Variants in TMTC1 observed in about 807,000 individuals in gnomAD.
The protein encoded by TMTC1 is protein O-mannosyl-transferase TMTC1.
TMTC1 carries 73 observed loss-of-function variants against 104.8 expected under a neutral mutation model. The ratio of observed to expected loss-of-function variants is 0.70; its 90% CI spans 0.58 to 0.85. The LOEUF is 0.85. Among genes scored for constraint, TMTC1 ranks in the 40% least tolerant of loss-of-function variants. The pLI is 0.00. For missense variants in TMTC1, 1,035 were observed against 1,096.1 expected (o/e 0.94, Z 0.79); for synonymous variants, 434 against 428.7 (o/e 1.01, Z -0.15).
rs1271346036 is a variant in TMTC1, at chr12:29,505,938, T to A, written c.*908A>T. ...ATATATTTTTCAAAAAAATAATAAA[T>A]CTCATGATGTCTGAACATTAAGATA... On this transcript the variant is annotated 3_prime_UTR_variant, in exon 18 of 18. Coordinates refer to ENST00000539277, the MANE Select transcript of TMTC1 (RefSeq NM_001193451.2). 1 of 152,114 alleles carries A rather than the reference T, an allele frequency of 6.6e-6. No homozygotes were observed. Among genetic ancestry groups the A allele is most frequent in the African/African-American group, 2.4e-5 (1 of 41,442 alleles). The allele number at this position is 152,114 out of a possible 1,614,324, so 9.4% of individuals were successfully genotyped here. A position where few individuals can be genotyped will look rare whatever the true frequency, so the allele number is the denominator to read the frequency against.
At chr12:29,687,062 A>G (rs1941117395) in intron 5 of TMTC1, among the ~76,000 whole-genome samples, 1 of 152,238 alleles carries the variant, frequency 6.6e-6, no homozygotes, top group South Asian at 2.1e-4. Context: ...TATTGGGATT[A>G]GAAAATCACC....
chr12:29,606,977 C>CA (rs1565705341), intron 6 of TMTC1, among the ~76,000 whole-genome samples: 2 of 151,970 alleles, frequency 1.3e-5, no homozygotes, highest in African/African-American at 4.8e-5. Flanking sequence ...CTTCCTGCCC[C>CA]CCCCCCTCAC....
intron 12 of TMTC1, among the ~76,000 whole-genome samples, chr12:29,518,880 G>A (rs1280757268): frequency 6.6e-6 from 1 of 151,998 alleles, no homozygotes; most frequent in African/African-American, 2.4e-5. Flanking sequence ...TATTTTAGTC[G>A]AAATTTTTCT....
chr12:29,619,515 T>C (rs1010778278), intron 6 of TMTC1, among the ~76,000 whole-genome samples: 1 of 152,248 alleles, frequency 6.6e-6, no homozygotes, highest in African/African-American at 2.4e-5. Context: ...AAGGGTTGCA[T>C]TTCTAGTGTC....
chr12:29,666,221 C>CTTTTTTTTTTTT, intron 5 of TMTC1: 2 of 395,966 alleles, frequency 5.1e-6, no homozygotes, highest in East Asian at 7.4e-5. Context: ...TTCTTTTTTT[C>CTTTTTTTTTTTT]TTTTTTCTTT....
At chr12:29,537,743 CCCCT>C (rs1203473027) in intron 10 of TMTC1, among the ~76,000 whole-genome samples, 1 of 152,166 alleles carries the variant, frequency 6.6e-6, no homozygotes, top group African/African-American at 2.4e-5. Context: ...CTGATACAAT[CCCCT>C]CCATCTCCCA....
chr12:29,631,601 T>A (rs1435905709), intron 6 of TMTC1, among the ~76,000 whole-genome samples: 1 of 152,204 alleles, frequency 6.6e-6, no homozygotes, highest in Non-Finnish European at 1.5e-5. Context: ...TTGACACTTT[T>A]TAAAAAACTG....
At chr12:29,675,106 G>C (rs1940674084) in intron 5 of TMTC1, among the ~76,000 whole-genome samples, 1 of 152,196 alleles carries the variant, frequency 6.6e-6, no homozygotes, top group South Asian at 2.1e-4. Context: ...ATTCAGCTAA[G>C]TTTCCCTTGC....
chr12:29,744,545 G>A (rs933262454), intron 5 of TMTC1, among the ~76,000 whole-genome samples: 1 of 152,220 alleles, frequency 6.6e-6, no homozygotes, highest in African/African-American at 2.4e-5. Context: ...CTTTAGTGCT[G>A]AGCTCAGTTC....
At chr12:29,540,023 G>C (rs1045289380) in intron 10 of TMTC1, among the ~76,000 whole-genome samples, 3 of 152,046 alleles carry the variant, frequency 2.0e-5, no homozygotes, top group African/African-American at 7.3e-5. Context: ...AAGAACATAT[G>C]TATACATATG....
At chr12:29,552,717 G>C (rs924634258) in intron 10 of TMTC1, among the ~76,000 whole-genome samples, 2 of 152,168 alleles carry the variant, frequency 1.3e-5, no homozygotes, top group Non-Finnish European at 2.9e-5. Context: ...AATATAAACT[G>C]TTCACATCTA....
At chr12:29,663,119 T>A (rs942265133) in intron 5 of TMTC1, among the ~76,000 whole-genome samples, 3 of 152,208 alleles carry the variant, frequency 2.0e-5, no homozygotes, top group Non-Finnish European at 4.4e-5. Context: ...GCAAAGTCCT[T>A]GACTTCGATC....
intron 6 of TMTC1, among the ~76,000 whole-genome samples, chr12:29,617,283 C>T (rs1399952818): frequency 1.3e-5 from 2 of 152,116 alleles, no homozygotes; most frequent in African/African-American, 4.8e-5. Context: ...CCCCAGTTTA[C>T]GTGCTTTGTC....
chr12:29,659,956 A>G (rs1379792094), intron 5 of TMTC1: 1 of 1,535,834 alleles, frequency 6.5e-7, no homozygotes, highest in African/African-American at 1.4e-5. Context: ...CCCATTATCC[A>G]CAGACGGAAG....
chr12:29,633,054 T>C, intron 6 of TMTC1, 93 bp downstream of exon 6: 4 of 1,212,032 alleles, frequency 3.3e-6, no homozygotes, highest in Non-Finnish European at 4.6e-6. Flanking sequence ...GGAGATTCAA[T>C]TTACACCCAG....
chr12:29,706,502 T>C (rs1941748597), intron 5 of TMTC1, among the ~76,000 whole-genome samples: 1 of 152,220 alleles, frequency 6.6e-6, no homozygotes, highest in Non-Finnish European at 1.5e-5. Context: ...AATGAGGTAG[T>C]GCCATTAGCA....
At chr12:29,645,261 G>A (rs1378722858) in intron 5 of TMTC1, among the ~76,000 whole-genome samples, 3 of 152,132 alleles carry the variant, frequency 2.0e-5, no homozygotes, top group Non-Finnish European at 2.9e-5. Context: ...AGTTGTCCAG[G>A]CATATAGTTG....
chr12:29,585,034 G>A (rs370667535), intron 7 of TMTC1, among the ~76,000 whole-genome samples: 1 of 149,448 alleles, frequency 6.7e-6, no homozygotes, highest in East Asian at 2.0e-4. Context: ...CACAATGGTT[G>A]AACTAGTTTA....
chr12:29,758,616 A>C, intron 3 of TMTC1, 88 bp downstream of exon 3: 1 of 1,281,072 alleles, frequency 7.8e-7, no homozygotes, highest in East Asian at 2.4e-5. Context: ...TCACAACCAG[A>C]AGCTTCTCTC....
Sources: allele counts gnomAD v4.1 joint callset (sites outside exome capture counted in the v4.1 genomes callset), GRCh38; gene constraint gnomAD v4.1.1; transcripts MANE v1.5; gene names NCBI Gene and HGNC (gene_info 2026-07-23, HGNC 2026-07-21).